VANGL2: variants seen among roughly 807,000 people sequenced by gnomAD.
VANGL2 encodes VANGL planar cell polarity protein 2.
VANGL2 carries 14 observed loss-of-function variants against 50.2 expected under a neutral mutation model. That is an observed-to-expected ratio of 0.28 (90% CI 0.18 to 0.44). The LOEUF is 0.44. VANGL2 is among the 20% of genes least tolerant of loss of function. VANGL2 has a pLI of 1.00. For synonymous variants in VANGL2, 295 were observed against 297.2 expected (o/e 0.99, Z 0.08); for missense variants, 533 against 701.5 (o/e 0.76, Z 2.71).
Position 160,419,559 on chromosome 1 carries a change from C to T in VANGL2, c.750C>T (p.Val250=), listed in dbSNP as rs770088137. The change falls in exon 4 of 8, where the codon GTC becomes GTT. Residue 250 remains valine, a synonymous_variant. Transcript: ENST00000368061. This position sits in a 1 kb window ranked among gnomAD's most constrained non-coding sequence, Gnocchi z 5.8. ...TCCAGCCTCAGTTCACGCTCAAGGT[C>T]GTGCGCTCCACCGACGGCGCCAGCC... The part of the protein sequence containing the change: ...RQLQPQFTLK[V]VRSTDGASRF... 2.5e-5 allele frequency: 40 copies of T among 1,600,326 alleles called. No homozygotes were observed. Among genetic ancestry groups the T allele is most frequent in the Non-Finnish European group, 3.3e-5 (39 of 1,179,816 alleles).
rs775542175 is a variant in VANGL2, at chr1:160,425,196, T to C, written c.1384T>C (p.Leu462=). 6 of 1,614,086 alleles carry C rather than the reference T, an allele frequency of 3.7e-6. No homozygotes were observed. The highest frequency in any genetic ancestry group is 1.1e-5 in the South Asian group (1 of 91,078). Reference sequence around the variant, plus strand: ...ACGCTGGCTGGCCAAACAGTGGACATTGGTGAGCGAGGAGCCGGTGACCAA... The same window carrying C: ...ACGCTGGCTGGCCAAACAGTGGACACTGGTGAGCGAGGAGCCGGTGACCAA... ...KERWLAKQWT[L]VSEEPVTNGL... Residue 462 remains leucine, a synonymous_variant, in exon 8 of 8, where the codon TTG becomes CTG. Transcript: ENST00000368061.
rs766519016 is a variant in VANGL2 at position 160,419,417 on chromosome 1, G to T, written c.608G>T (p.Arg203Leu). ...VVSYWLFYGV[R>L]ILDARERSYQ... ...TCCTACTGGCTCTTCTATGGTGTGC[G>T]CATCCTGGATGCTCGGGAGCGCAGC... Residue 203 changes from arginine (R) to leucine (L), a missense_variant, in exon 4 of 8, where the codon CGC (arginine) becomes CTC (leucine). Arg to Leu is a moderately radical substitution (Grantham distance 102). Coordinates refer to ENST00000368061, the MANE Select transcript of VANGL2 (RefSeq NM_020335.3). This position sits in a 1 kb window ranked among gnomAD's most constrained non-coding sequence, Gnocchi z 5.8. The T allele has an allele frequency of 6.2e-7, 1 of 1,611,982 alleles. No homozygotes were observed. Among genetic ancestry groups the T allele is most frequent in the Non-Finnish European group, 8.5e-7 (1 of 1,180,018 alleles).
At chr1:160,418,575 C>T (rs936709886) in intron 3 of VANGL2, among the ~76,000 whole-genome samples, 1 of 152,102 alleles carries the variant, frequency 6.6e-6, no homozygotes, top group Non-Finnish European at 1.5e-5. Context: ...TTCCTTGGAG[C>T]CCCCTTCCCC....
intron 1 of VANGL2, among the ~76,000 whole-genome samples, 170 bp downstream of exon 1, chr1:160,401,039 A>C (rs1650440436): frequency 6.6e-6 from 1 of 151,856 alleles, no homozygotes. Flanking sequence ...ACTCCGGGCA[A>C]CCCCCTTCCG....
chr1:160,403,468 C>G (rs907120088), intron 1 of VANGL2, among the ~76,000 whole-genome samples: 2 of 152,158 alleles, frequency 1.3e-5, no homozygotes, highest in Non-Finnish European at 2.9e-5. Context: ...CCGGGGCAGG[C>G]CTCTCTGGTG....
At chr1:160,416,211 C>T (rs373486890) in intron 3 of VANGL2, 29 bp downstream of exon 3, 4 of 1,613,534 alleles carry the variant, frequency 2.5e-6, no homozygotes, top group Non-Finnish European at 3.4e-6. Flanking sequence ...GTGGTCCAGA[C>T]CGGGCATTTT....
intron 6 of VANGL2, among the ~76,000 whole-genome samples, chr1:160,422,349 C>T (rs1651303432): frequency 6.6e-6 from 1 of 152,340 alleles, no homozygotes; most frequent in South Asian, 2.1e-4. Flanking sequence ...ACTGCCACCA[C>T]CATTTTTGGC....
intron 1 of VANGL2, among the ~76,000 whole-genome samples, chr1:160,403,545 G>A (rs1650555284): frequency 6.6e-6 from 1 of 152,160 alleles, no homozygotes; most frequent in Non-Finnish European, 1.5e-5. Flanking sequence ...CCCTAGAGCA[G>A]GACAGTTTTT....
intron 1 of VANGL2, among the ~76,000 whole-genome samples, chr1:160,403,437 C>A (rs941147673): frequency 6.6e-6 from 1 of 152,238 alleles, no homozygotes; most frequent in African/African-American, 2.4e-5. Flanking sequence ...TTGCTCCTGA[C>A]TTCTATTTCC....
rs1650499396 is a variant in VANGL2 at position 160,402,279 on chromosome 1, A to G, written c.-191+1410A>G. On this transcript the variant is annotated intron_variant, in intron 1 of 7. Coordinates refer to ENST00000368061, the MANE Select transcript of VANGL2 (RefSeq NM_020335.3). ...CCCCCATCGTCATAGGCTGGGTTCC[A>G]GCGCTTGGAGAAGCTACACTCTTGG... 2.0e-5 allele frequency among the ~76,000 whole-genome samples: 3 copies of G among 152,176 alleles called. No homozygotes were observed. The South Asian group carries it at 6.2e-4, about 32-fold the overall frequency.
At chr1:160,418,442 A>C (rs573818229) in intron 3 of VANGL2, among the ~76,000 whole-genome samples, 1 of 150,808 alleles carries the variant, frequency 6.6e-6, no homozygotes, top group Non-Finnish European at 1.5e-5. Context: ...CATTACAATC[A>C]TCTGGGGAGT....
intron 3 of VANGL2, among the ~76,000 whole-genome samples, chr1:160,418,721 G>A (rs992999489): frequency 6.6e-5 from 10 of 152,106 alleles, no homozygotes; most frequent in East Asian, 1.9e-4. Flanking sequence ...GGTCATTGCC[G>A]CATGTGTGGT....
chr1:160,401,422 T>C (rs1571231665), intron 1 of VANGL2, among the ~76,000 whole-genome samples: 1 of 151,916 alleles, frequency 6.6e-6, no homozygotes, highest in African/African-American at 2.4e-5. Context: ...CTGGAGGCGG[T>C]AGACTGTGTA....
chr1:160,401,181 C>T (rs1650446770), intron 1 of VANGL2, among the ~76,000 whole-genome samples: 1 of 152,054 alleles, frequency 6.6e-6, no homozygotes, highest in African/African-American at 2.4e-5. Context: ...CCTTAATGAT[C>T]CCAGGGGAGC....
In VANGL2 at chr1:160,425,283, A is replaced by T. The variant is rs1557913554; in HGVS notation, c.1471A>T (p.Thr491Ser). 1 of 1,614,082 alleles carries T rather than the reference A, an allele frequency of 6.2e-7. No homozygotes were observed. Among genetic ancestry groups the T allele is most frequent in the Non-Finnish European group, 8.5e-7 (1 of 1,180,018 alleles). Residue 491 changes from threonine (T) to serine (S), a missense_variant, in exon 8 of 8, where the codon ACC becomes TCC. Thr to Ser is a moderately conservative substitution (Grantham distance 58). Coordinates refer to ENST00000368061, the MANE Select transcript of VANGL2 (RefSeq NM_020335.3). ...CCAGGACTTCAGCCTGGTGGTCAGC[A>T]CCAAGAAGGTCCCATTCTTCAAACT... The part of the protein sequence containing the change: ...KRQDFSLVVS[T>S]KKVPFFKLSE...
At chr1:160,415,040 TG>T (rs1651007665) in intron 1 of VANGL2, among the ~76,000 whole-genome samples, 1 of 152,174 alleles carries the variant, frequency 6.6e-6, no homozygotes, top group South Asian at 2.1e-4. Flanking sequence ...CACCCTCACC[TG>T]GGGCTGTGCA....
At chr1:160,422,164 T>G (rs1223233314) in intron 6 of VANGL2, among the ~76,000 whole-genome samples, 2 of 152,192 alleles carry the variant, frequency 1.3e-5, no homozygotes, top group African/African-American at 4.8e-5. Context: ...GCCCTTACCT[T>G]GTTCCTATTT....
chr1:160,400,838 C>T lies in VANGL2; in HGVS notation c.-222C>T, dbSNP rs948925279. On this transcript the variant is annotated 5_prime_UTR_variant, in exon 1 of 8. Transcript: ENST00000368061. ...AAGGCGACGGGCCGAGCGGGGCGCC[C>T]GCGGAGCCCACCCGGCAGTTCGCAG... 1 of 151,776 alleles carries T rather than the reference C, an allele frequency of 6.6e-6. No homozygotes were observed. The highest frequency in any genetic ancestry group is 1.5e-5 in the Non-Finnish European group (1 of 67,906). The allele number at this position is 151,776 out of a possible 1,614,324, so 9.4% of individuals were successfully genotyped here. A position where few individuals can be genotyped will look rare whatever the true frequency, so the allele number is the denominator to read the frequency against.
intron 3 of VANGL2, 102 bp downstream of exon 3, chr1:160,416,284 A>C: frequency 1.9e-6 from 3 of 1,591,688 alleles, no homozygotes; most frequent in Non-Finnish European, 2.6e-6. Context: ...ACCTGGTCTC[A>C]GACAGCCATC....
Sources: allele counts gnomAD v4.1 joint callset (sites outside exome capture counted in the v4.1 genomes callset), GRCh38; gene constraint gnomAD v4.1.1; non-coding constraint Gnocchi (gnomAD v3.1); transcripts MANE v1.5; gene names NCBI Gene and HGNC (gene_info 2026-07-23, HGNC 2026-07-21).